The following MTUS2 variants were observed in gnomAD, a reference collection of about 807,000 sequenced individuals.
MTUS2 encodes the protein microtubule associated scaffold protein 2.
Under a neutral mutation model 114.1 loss-of-function variants are expected in MTUS2, and 40 were observed. That is an observed-to-expected ratio of 0.35 (90% CI 0.27 to 0.46). The LOEUF (loss-of-function observed/expected upper bound fraction) is 0.46. Ranked by LOEUF, MTUS2 falls within the 20% of genes least tolerant of loss-of-function variation. The probability of loss-of-function intolerance (pLI) is 1.00; values close to 1 mark genes in which losing one functional copy is unlikely to be tolerated. For synonymous variants in MTUS2, 688 were observed against 672.0 expected (o/e 1.02, Z -0.37); for missense variants, 1,679 against 1,705.4 (o/e 0.98, Z 0.27).
At chr13:28,983,128 G>T (rs1252612505) in intron 2 of MTUS2, among the ~76,000 whole-genome samples, 2 of 152,200 alleles carry the variant, frequency 1.3e-5, no homozygotes. Flanking sequence ...ATCCGAGGCA[G>T]GGTGGCTGTC....
chr13:29,355,666 G>T (rs977268719), intron 7 of MTUS2, among the ~76,000 whole-genome samples: 5 of 152,196 alleles, frequency 3.3e-5, no homozygotes, highest in African/African-American at 1.2e-4. Context: ...AATAGAAGGT[G>T]TCAAATGTTT....
At chr13:29,351,883 G>A (rs1869319650) in intron 7 of MTUS2, among the ~76,000 whole-genome samples, 1 of 151,852 alleles carries the variant, frequency 6.6e-6, no homozygotes, top group South Asian at 2.1e-4. Flanking sequence ...TCAAAGTGCT[G>A]GGATTACAGG....
rs538920760 is a variant in MTUS2 at position 28,830,947 on chromosome 13, A to G, written c.-315-8831A>G. Among the ~76,000 whole-genome samples the G allele has an allele frequency of 2.5e-3, 375 of 152,314 alleles. 2 individuals carry two copies. The highest frequency in any genetic ancestry group is 8.7e-3 in the African/African-American group (363 of 41,562). On this transcript the variant is annotated intron_variant, in intron 1 of 15. Coordinates refer to ENST00000612955, the MANE Select transcript of MTUS2 (RefSeq NM_001033602.4). ...AAACTATTATTCAAAAAAGAACAAA[A>G]GATTAAGATGTCTCAGAAAAACAAA...
intron 5 of MTUS2, among the ~76,000 whole-genome samples, chr13:29,251,613 C>G (rs1314116349): frequency 6.6e-6 from 1 of 152,178 alleles, no homozygotes; most frequent in African/African-American, 2.4e-5. Flanking sequence ...CGCCATTCTA[C>G]TTTCTCATCT....
At chr13:29,260,158 C>A (rs941034163) in intron 5 of MTUS2, among the ~76,000 whole-genome samples, 3 of 152,246 alleles carry the variant, frequency 2.0e-5, no homozygotes, top group Non-Finnish European at 2.9e-5. Flanking sequence ...CTCCACTAAA[C>A]CATGATGATT....
chr13:29,107,804 C>T (rs113586255), intron 5 of MTUS2, among the ~76,000 whole-genome samples: 1 of 152,156 alleles, frequency 6.6e-6, no homozygotes, highest in Non-Finnish European at 1.5e-5. Flanking sequence ...TAGATATTCT[C>T]ATTAATCACT....
chr13:29,326,776 T>C (rs532108853), intron 7 of MTUS2, among the ~76,000 whole-genome samples: 1 of 152,024 alleles, frequency 6.6e-6, no homozygotes, highest in Non-Finnish European at 1.5e-5. Flanking sequence ...AGGTCAGGAG[T>C]TCGACACCAG....
At chr13:28,981,278 T>C (rs1213011089) in intron 2 of MTUS2, among the ~76,000 whole-genome samples, 1 of 152,036 alleles carries the variant, frequency 6.6e-6, no homozygotes, top group East Asian at 1.9e-4. Flanking sequence ...TTAGATAAAA[T>C]GAGAAAAAGG....
At chr13:28,844,126 C>T (rs1430238058) in intron 2 of MTUS2, among the ~76,000 whole-genome samples, 2 of 152,172 alleles carry the variant, frequency 1.3e-5, no homozygotes, top group East Asian at 1.9e-4. Flanking sequence ...GATTTCTGCC[C>T]TCTCCTTGTA....
intron 9 of MTUS2, among the ~76,000 whole-genome samples, chr13:29,469,271 C>T (rs1331226221): frequency 1.3e-5 from 2 of 152,176 alleles, no homozygotes; most frequent in Admixed American, 6.6e-5. Flanking sequence ...TTCCACCCAC[C>T]CCTTCTAATC....
chr13:29,403,349 T>C (rs1874495715), intron 8 of MTUS2, among the ~76,000 whole-genome samples: 1 of 152,156 alleles, frequency 6.6e-6, no homozygotes, highest in Non-Finnish European at 1.5e-5. Flanking sequence ...CCACCCTGTA[T>C]CTGCACTATT....
intron 5 of MTUS2, among the ~76,000 whole-genome samples, chr13:29,228,355 C>G (rs539865749): frequency 3.3e-5 from 5 of 152,326 alleles, no homozygotes; most frequent in African/African-American, 4.8e-5. Flanking sequence ...GGATCTCACT[C>G]TGTTGCCCAG....
intron 8 of MTUS2, among the ~76,000 whole-genome samples, chr13:29,425,963 T>G (rs950567945): frequency 3.3e-5 from 5 of 152,222 alleles, no homozygotes; most frequent in Non-Finnish European, 7.3e-5. Flanking sequence ...TAGAGCACTC[T>G]AAACTCTAAT....
At chr13:29,019,903 G>T (rs1164149410) in intron 2 of MTUS2, among the ~76,000 whole-genome samples, 1 of 152,236 alleles carries the variant, frequency 6.6e-6, no homozygotes, top group African/African-American at 2.4e-5. Flanking sequence ...CCACAGTTGG[G>T]AGAATCTGAG....
At chr13:28,822,636 A>C (rs1267662022) in intron 1 of MTUS2, among the ~76,000 whole-genome samples, 1 of 151,954 alleles carries the variant, frequency 6.6e-6, no homozygotes, top group Non-Finnish European at 1.5e-5. Context: ...GCCCTCTGGG[A>C]GGGGCACTGG....
chr13:29,313,170 AG>A (rs772225884), intron 6 of MTUS2, among the ~76,000 whole-genome samples: 17 of 152,174 alleles, frequency 1.1e-4, no homozygotes, highest in Non-Finnish European at 2.1e-4. Flanking sequence ...GATGTGTTGG[AG>A]TAGAGGGAGG....
At chr13:29,379,143 C>A (rs910951730) in intron 8 of MTUS2, among the ~76,000 whole-genome samples, 18 of 152,194 alleles carry the variant, frequency 1.2e-4, no homozygotes, top group Admixed American at 9.8e-4. Context: ...TCAATTAAAC[C>A]TCTTTCCTTT....
chr13:29,411,476 T>G (rs1204659524), intron 8 of MTUS2, among the ~76,000 whole-genome samples: 2 of 152,232 alleles, frequency 1.3e-5, no homozygotes, highest in Admixed American at 6.5e-5. Flanking sequence ...TATAGAGGCT[T>G]TGTGGTATGT....
At chr13:29,024,402 TC>T (rs1388210507) in intron 2 of MTUS2, 54 bp from the exon 3 acceptor site, 1 of 336,022 alleles carries the variant, frequency 3.0e-6, no homozygotes, top group Non-Finnish European at 5.3e-6. Context: ...CACTTTTTTC[TC>T]CTGAGAAGTT....
Sources: gnomAD v4.1 joint callset for allele counts (sites outside exome capture counted in the v4.1 genomes callset) on GRCh38, gnomAD v4.1.1 for gene constraint, MANE v1.5 for transcripts, NCBI Gene and HGNC (gene_info 2026-07-23, HGNC 2026-07-21) for gene names.